The following INTS2 variants were observed in gnomAD, a reference collection of about 807,000 sequenced individuals.
The protein encoded by INTS2 is integrator complex subunit 2, also known as KIAA1287.
Under a neutral mutation model 139.6 loss-of-function variants are expected in INTS2, and 57 were observed. The observed-to-expected ratio is 0.41, with a 90% CI of 0.33 to 0.51. The LOEUF is 0.51. Ranked by LOEUF, INTS2 falls within the 20% of genes least tolerant of loss-of-function variation. INTS2 has a pLI of 0.28. For synonymous variants in INTS2, 473 were observed against 493.4 expected, an observed-to-expected ratio of 0.96 and a Z score of 0.55; for missense variants, 1,196 against 1,436.7, an observed-to-expected ratio of 0.83 and a Z score of 2.71.
Position 61,911,508 on chromosome 17 carries a change from T to C in INTS2, c.954+12A>G. The C allele has an allele frequency of 6.2e-7, 1 of 1,613,172 alleles. No individual in the cohort carries two copies. Among genetic ancestry groups the C allele is most frequent in the Non-Finnish European group, 8.5e-7 (1 of 1,179,268 alleles). On this transcript the variant is annotated intron_variant, in intron 7 of 24. Coordinates refer to ENST00000251334, the MANE Select transcript of INTS2 (RefSeq NM_001351695.2). Reference sequence around the variant, plus strand: ...TTCTGATCCTTAGCCTATACAGATATTTAACCCTCACCTGCTGTCCATTTC... The same window carrying C: ...TTCTGATCCTTAGCCTATACAGATACTTAACCCTCACCTGCTGTCCATTTC...
At chr17:61,913,336 G>A (rs1314424315) in intron 5 of INTS2, among the ~76,000 whole-genome samples, 4 of 138,228 alleles carry the variant, frequency 2.9e-5, no homozygotes, top group South Asian at 2.3e-4. Context: ...GCAAGACTCC[G>A]TCTCCCAAAA....
At chr17:61,913,754 C>T (rs979811332) in intron 5 of INTS2, among the ~76,000 whole-genome samples, 7 of 152,044 alleles carry the variant, frequency 4.6e-5, no homozygotes, top group Non-Finnish European at 5.9e-5. Flanking sequence ...GAAAATTCTT[C>T]AAGTTAAGGG....
At chr17:61,901,726 G>A (rs1341528486) in intron 9 of INTS2, among the ~76,000 whole-genome samples, 6 of 151,290 alleles carry the variant, frequency 4.0e-5, no homozygotes, top group Admixed American at 1.3e-4. Context: ...CAGCCTACAG[G>A]ACTGCAGGCG....
rs2079315294 is a variant in INTS2 at position 61,893,368 on chromosome 17, TG to T, written c.1698+396del. The stretch of plus-strand genomic sequence containing the variant: ...AAATGCCTACAAACTGAAATACAAC[TG>T]GGGAGAAAGCATTAATTTAGGTTGT... On this transcript the variant is annotated intron_variant, in intron 13 of 24. Coordinates refer to ENST00000251334, the MANE Select transcript of INTS2 (RefSeq NM_001351695.2). This position sits in a 1 kb window ranked among gnomAD's most constrained non-coding sequence, Gnocchi z 5.4. Among the ~76,000 whole-genome samples the T allele has an allele frequency of 6.6e-6, 1 of 151,924 alleles. No individual in the cohort carries two copies. The highest frequency in any genetic ancestry group is 2.4e-5 in the African/African-American group (1 of 41,360).
rs1043106826 is a variant in INTS2, at chr17:61,880,342, G to A, written c.2254+665C>T. On this transcript the variant is annotated intron_variant, in intron 17 of 24. Coordinates refer to ENST00000251334, the MANE Select transcript of INTS2 (RefSeq NM_001351695.2). ...ATTACAGGCGTGAGCCACCACGCCC[G>A]GCCTACACTGCACTTATTTCTAACC... Among the ~76,000 whole-genome samples the A allele has an allele frequency of 5.9e-5, 9 of 151,892 alleles. No individual in the cohort carries two copies. The East Asian group carries it at 7.8e-4, about 13-fold the overall frequency.
At chr17:61,903,662 A>C (rs1407939869) in intron 9 of INTS2, among the ~76,000 whole-genome samples, 1 of 151,550 alleles carries the variant, frequency 6.6e-6, no homozygotes, top group African/African-American at 2.4e-5. Flanking sequence ...ATAAATATTA[A>C]TCCAAAAAAA....
Position 61,888,681 on chromosome 17 carries a change from T to C in INTS2, c.1984+1105A>G, listed in dbSNP as rs552657765. ...TCAGCCTCCCAAAGTACCAAAGTACTGAGATTACAGGGAATGAGCTACCAT... is the reference window on the plus strand; with the variant it reads ...TCAGCCTCCCAAAGTACCAAAGTACCGAGATTACAGGGAATGAGCTACCAT... On this transcript the variant is annotated intron_variant, in intron 15 of 24. Coordinates refer to ENST00000251334, the MANE Select transcript of INTS2 (RefSeq NM_001351695.2). 2.0e-5 allele frequency among the ~76,000 whole-genome samples: 3 copies of C among 152,046 alleles called. No homozygotes were observed. In the East Asian group the frequency reaches 5.8e-4, roughly 30 times the overall value.
chr17:61,893,757 G>T lies in INTS2; in HGVS notation c.1698+8C>A. On this transcript the variant is annotated splice_region_variant and intron_variant, in intron 13 of 24. Transcript: ENST00000251334. The surrounding 1 kb of genome is among the most constrained non-coding windows in gnomAD (Gnocchi z 5.4). ...TGCTTTTATTTTGTTTTATTTGTAG[G>T]GGCATACTTTTATTGACACTTTGTG... The T allele has an allele frequency of 6.4e-7, 1 of 1,562,612 alleles. No individual in the cohort carries two copies. Among genetic ancestry groups the T allele is most frequent in the South Asian group, 1.2e-5 (1 of 80,454 alleles).
At chr17:61,917,011 T>C (rs1196561784) in intron 5 of INTS2, among the ~76,000 whole-genome samples, 3 of 151,898 alleles carry the variant, frequency 2.0e-5, no homozygotes, top group Admixed American at 1.3e-4. Flanking sequence ...AGAAGACATA[T>C]AAGCAACCAA....
intron 5 of INTS2, among the ~76,000 whole-genome samples, chr17:61,915,793 G>A (rs565407084): frequency 7.5e-5 from 11 of 146,398 alleles, no homozygotes; most frequent in African/African-American, 2.8e-4. Flanking sequence ...TTGTGCCACT[G>A]GGCGACAGAG....
At chr17:61,880,835 G>T (rs1408139724) in intron 17 of INTS2, among the ~76,000 whole-genome samples, 172 bp downstream of exon 17, 1 of 150,642 alleles carries the variant, frequency 6.6e-6, no homozygotes, top group Non-Finnish European at 1.5e-5. Context: ...GGGGGGAGGG[G>T]AAGGGAGCAT....
At chr17:61,912,372 GC>G (rs2079535236) in intron 5 of INTS2, among the ~76,000 whole-genome samples, 7 of 81,242 alleles carry the variant, frequency 8.6e-5, no homozygotes, top group African/African-American at 2.8e-4. Flanking sequence ...CAAGGTGGGG[GC>G]GGGGGGGGGG....
rs1254272640 is a variant in INTS2, at chr17:61,908,699, T to C, written c.955-1065A>G. Among the ~76,000 whole-genome samples the C allele has an allele frequency of 2.6e-5, 4 of 152,166 alleles. No homozygotes were observed. In the South Asian group the frequency reaches 8.3e-4, roughly 32 times the overall value. On this transcript the variant is annotated intron_variant, in intron 7 of 24. Coordinates refer to ENST00000251334, the MANE Select transcript of INTS2 (RefSeq NM_001351695.2). Reference sequence around the variant, plus strand: ...AGTAAGTTCAAAGAATAAAGGTTTATTGAATACAAAAGACAACTACAAACA... The same window carrying C: ...AGTAAGTTCAAAGAATAAAGGTTTACTGAATACAAAAGACAACTACAAACA...
chr17:61,912,200 T>C, intron 5 of INTS2, 130 bp from the exon 6 acceptor site: 2 of 862,658 alleles, frequency 2.3e-6, no homozygotes, highest in Non-Finnish European at 3.6e-6. Context: ...AAGCAAAAAA[T>C]GAAAAGAGAC....
rs2079172760 is a variant in INTS2, at chr17:61,880,974, A to C, written c.2254+33T>G. 3.3e-6 allele frequency: 5 copies of C among 1,534,392 alleles called. No homozygotes were observed. In the South Asian group the frequency reaches 4.6e-5, roughly 14 times the overall value. ...GCCTAGCATCTCCTTGTACTACAAA[A>C]GGGGTTAAAGGAGTATCAATAATTT... is the stretch of plus-strand genomic sequence containing the variant. On this transcript the variant is annotated intron_variant, in intron 17 of 24. Coordinates refer to ENST00000251334, the MANE Select transcript of INTS2 (RefSeq NM_001351695.2).
rs1199172154 is a variant in INTS2 at position 61,869,882 on chromosome 17, A to G, written c.2885T>C (p.Ile962Thr). 5 of 1,613,790 alleles carry G rather than the reference A, an allele frequency of 3.1e-6. No individual in the cohort carries two copies. The highest frequency in any genetic ancestry group is 2.7e-5 in the African/African-American group (2 of 74,920). Reference protein sequence around the residue: ...DSLLRNVQSVITTSAPNKGME... With the variant: ...DSLLRNVQSVTTTSAPNKGME... ...TCCCTTATTTGGAGCGCTGGTGGTA[A>G]TAACACTTTGAACATTTCTTAACAA... Residue 962 changes from isoleucine (I) to threonine (T), a missense_variant, in exon 21 of 25, where the codon ATT (isoleucine) becomes ACT (threonine). Physicochemically the swap from Ile to Thr is moderately conservative, Grantham distance 89. Around this residue, in one of 3 missense-constraint regions of INTS2, gnomAD observed 1,129 missense variants for 1,341.9 expected, o/e 0.84. Transcript: ENST00000251334. This position sits in a 1 kb window ranked among gnomAD's most constrained non-coding sequence, Gnocchi z 5.4.
rs1364822157 is a variant in INTS2 at position 61,875,654 on chromosome 17, C to T, written c.2457-616G>A. On this transcript the variant is annotated intron_variant, in intron 18 of 24. Transcript: ENST00000251334. This position sits in a 1 kb window ranked among gnomAD's most constrained non-coding sequence, Gnocchi z 4.6. ...GAGAACTTCCCCCTCTTAAATATGACTGTATAAACAAGGATCATCAGACAC... is the reference window on the plus strand; with the variant it reads ...GAGAACTTCCCCCTCTTAAATATGATTGTATAAACAAGGATCATCAGACAC... Among the ~76,000 whole-genome samples, 1 of 151,890 alleles carries T rather than the reference C, an allele frequency of 6.6e-6. No homozygotes were observed. Among genetic ancestry groups the T allele is most frequent in the African/African-American group, 2.4e-5 (1 of 41,330 alleles).
intron 8 of INTS2, among the ~76,000 whole-genome samples, chr17:61,904,895 C>T (rs2079445027): frequency 6.6e-6 from 1 of 151,870 alleles, no homozygotes; most frequent in South Asian, 2.1e-4. Context: ...TGTACTGTAG[C>T]CTTTAAAATT....
rs778039722 is a variant in INTS2, at chr17:61,919,526, A to G, written c.536-13T>C. The stretch of plus-strand genomic sequence containing the variant: ...AAGGAAGGGAGCTCTACAAGAAAAC[A>G]AAGTCAGTGTTAGTCTTTGTTAACA... On this transcript the variant is annotated splice_polypyrimidine_tract_variant and intron_variant, in intron 4 of 24. Transcript: ENST00000251334. 23 of 1,424,770 alleles carry G rather than the reference A, an allele frequency of 1.6e-5. No individual in the cohort carries two copies. Among genetic ancestry groups the G allele is most frequent in the African/African-American group, 2.8e-5 (2 of 70,872 alleles). The allele number at this position is 1,424,770 out of a possible 1,614,324, so 88.3% of individuals were successfully genotyped here.
Sources: allele counts gnomAD v4.1 joint callset (sites outside exome capture counted in the v4.1 genomes callset), GRCh38; gene constraint gnomAD v4.1.1; regional missense constraint gnomAD v4.1.1; non-coding constraint Gnocchi (gnomAD v3.1); transcripts MANE v1.5; gene names NCBI Gene and HGNC (gene_info 2026-07-23, HGNC 2026-07-21).